GALNT13: variants seen among roughly 807,000 people sequenced by gnomAD.
The protein encoded by GALNT13 is polypeptide N-acetylgalactosaminyltransferase 13.
GALNT13 carries 28 observed loss-of-function variants against 64.2 expected under a neutral mutation model. That is an observed-to-expected ratio of 0.44 (90% CI 0.32 to 0.60). The LOEUF (loss-of-function observed/expected upper bound fraction) is 0.60. Ranked by LOEUF, GALNT13 falls within the 20% of genes least tolerant of loss-of-function variation. The pLI, the probability that GALNT13 is intolerant of heterozygous loss-of-function variation, is 0.05. For synonymous variants in GALNT13, 214 were observed against 224.6 expected, an observed-to-expected ratio of 0.95 and a Z score of 0.42; for missense variants, 577 against 669.8, an observed-to-expected ratio of 0.86 and a Z score of 1.53.
chr2:153,830,728 G>A, the GALNT13 span, among the ~76,000 whole-genome samples: 1 of 151,810 alleles, frequency 6.6e-6, no homozygotes, highest in Non-Finnish European at 1.5e-5. Context: ...ATCTCTTTTT[G>A]CACAAATTTG....
At chr2:154,343,955 A>G (rs753955907) in intron 9 of GALNT13, among the ~76,000 whole-genome samples, 5 of 152,048 alleles carry the variant, frequency 3.3e-5, no homozygotes, top group Non-Finnish European at 7.4e-5. Context: ...GTGTCTATTT[A>G]TAGATAGAAT....
chr2:153,948,077 A>G (rs1473584766), intron 3 of GALNT13, among the ~76,000 whole-genome samples: 1 of 152,104 alleles, frequency 6.6e-6, no homozygotes, highest in Non-Finnish European at 1.5e-5. Flanking sequence ...TGTTTTGGTT[A>G]CTGTAGCCCT....
intron 3 of GALNT13, among the ~76,000 whole-genome samples, chr2:154,022,693 C>T (rs1405701097): frequency 2.0e-5 from 3 of 152,148 alleles, no homozygotes; most frequent in African/African-American, 7.2e-5. Context: ...GTCTCTATTT[C>T]CTTCAGTTCT....
intron 9 of GALNT13, among the ~76,000 whole-genome samples, chr2:154,340,230 C>T (rs1298647628): frequency 6.6e-6 from 1 of 151,960 alleles, no homozygotes; most frequent in Non-Finnish European, 1.5e-5. Flanking sequence ...TTCCTTAATC[C>T]TCTTTTCTCA....
At chr2:153,247,644 G>A in the GALNT13 span, among the ~76,000 whole-genome samples, 1 of 152,072 alleles carries the variant, frequency 6.6e-6, no homozygotes, top group South Asian at 2.1e-4. Context: ...CTAATATCAC[G>A]ATTAAAATAA....
At chr2:153,917,379 C>T (rs1334391834) in intron 2 of GALNT13, among the ~76,000 whole-genome samples, 1 of 152,032 alleles carries the variant, frequency 6.6e-6, no homozygotes, top group African/African-American at 2.4e-5. Context: ...ATATTTCTAA[C>T]CCCCAATAAC....
the GALNT13 span, among the ~76,000 whole-genome samples, chr2:153,123,997 G>A: frequency 1.3e-5 from 2 of 152,152 alleles, no homozygotes; most frequent in Non-Finnish European, 2.9e-5. Flanking sequence ...ATAAAAGACT[G>A]TGAGTTCTAT....
chr2:153,250,559 C>T, the GALNT13 span, among the ~76,000 whole-genome samples: 1 of 152,158 alleles, frequency 6.6e-6, no homozygotes. Flanking sequence ...ATAAATCATT[C>T]TACTATAAAG....
At chr2:153,456,522 A>T in the GALNT13 span, among the ~76,000 whole-genome samples, 2 of 152,184 alleles carry the variant, frequency 1.3e-5, no homozygotes, top group Non-Finnish European at 2.9e-5. Flanking sequence ...TGGCTTCCTG[A>T]GAACAGTTGG....
At chr2:154,053,636 G>A (rs1699760028) in intron 3 of GALNT13, among the ~76,000 whole-genome samples, 1 of 152,130 alleles carries the variant, frequency 6.6e-6, no homozygotes, top group Non-Finnish European at 1.5e-5. Context: ...AATATATAGA[G>A]TATTTTTAAA....
intron 9 of GALNT13, among the ~76,000 whole-genome samples, chr2:154,310,185 C>T (rs1693957027): frequency 6.6e-6 from 1 of 152,166 alleles, no homozygotes; most frequent in Non-Finnish European, 1.5e-5. Context: ...CCTGTAATTT[C>T]CCTAATGTAG....
At chr2:153,788,061 CA>C in the GALNT13 span, among the ~76,000 whole-genome samples, 3 of 152,072 alleles carry the variant, frequency 2.0e-5, no homozygotes, top group Non-Finnish European at 4.4e-5. Flanking sequence ...CTAGGGAGGC[CA>C]ATATTCAAAT....
the GALNT13 span, among the ~76,000 whole-genome samples, chr2:153,119,837 G>A: frequency 6.6e-6 from 1 of 152,206 alleles, no homozygotes. Context: ...TTAAGCTTCA[G>A]TTGTGAACTG....
At chr2:153,347,713 G>C in the GALNT13 span, among the ~76,000 whole-genome samples, 2 of 152,134 alleles carry the variant, frequency 1.3e-5, no homozygotes, top group Non-Finnish European at 2.9e-5. Flanking sequence ...AAACTACTTA[G>C]TGAAAAGAAG....
chr2:153,152,643 G>T, the GALNT13 span, among the ~76,000 whole-genome samples: 2 of 152,082 alleles, frequency 1.3e-5, no homozygotes, highest in Admixed American at 1.3e-4. Context: ...TCCCTGATAA[G>T]TGAGGACATG....
the GALNT13 span, among the ~76,000 whole-genome samples, chr2:153,674,161 A>C: frequency 1.3e-5 from 2 of 152,296 alleles, no homozygotes; most frequent in South Asian, 2.1e-4. Flanking sequence ...TATCCCCAAC[A>C]AACTACCACT....
the GALNT13 span, among the ~76,000 whole-genome samples, chr2:153,256,517 C>T: frequency 5.9e-5 from 9 of 152,348 alleles, no homozygotes; most frequent in South Asian, 8.3e-4. Flanking sequence ...TGAGGAACTG[C>T]GTTCCTTTGG....
the GALNT13 span, among the ~76,000 whole-genome samples, chr2:153,674,929 A>G: frequency 1.3e-5 from 2 of 152,240 alleles, no homozygotes; most frequent in Non-Finnish European, 1.5e-5. Flanking sequence ...TATGCATCCA[A>G]CAGACATATG....
At chr2:153,540,940 T>A in the GALNT13 span, among the ~76,000 whole-genome samples, 1 of 152,184 alleles carries the variant, frequency 6.6e-6, no homozygotes, top group Admixed American at 6.5e-5. Context: ...ACTTGGACTT[T>A]TGGCTTAATG....
Sources: gnomAD v4.1 joint callset for allele counts (sites outside exome capture counted in the v4.1 genomes callset) on GRCh38, gnomAD v4.1.1 for gene constraint, MANE v1.5 for transcripts, NCBI Gene and HGNC (gene_info 2026-07-23, HGNC 2026-07-21) for gene names.